The following SIGLEC14 variants were observed in gnomAD, a reference collection of about 807,000 sequenced individuals.
SIGLEC14 encodes the protein sialic acid binding Ig like lectin 14, also known as sialic acid-binding Ig-like lectin 14.
Under a neutral mutation model 34.2 loss-of-function variants are expected in SIGLEC14, and 11 were observed. That is an observed-to-expected ratio of 0.32 (90% CI 0.20 to 0.53). The LOEUF (loss-of-function observed/expected upper bound fraction) is 0.53, where lower values mean the gene tolerates loss of function less well. SIGLEC14 is among the 20% of genes least tolerant of loss of function. The probability of loss-of-function intolerance (pLI) is 0.95; values close to 1 mark genes in which losing one functional copy is unlikely to be tolerated. For synonymous variants in SIGLEC14, 99 were observed against 179.7 expected (o/e 0.55, Z 3.59); for missense variants, 264 against 439.0 (o/e 0.60, Z 3.56).
rs1467877156 is a variant in SIGLEC14, at chr19:51,641,240, CA to C, written c.*2114del. On this transcript the variant is annotated 3_prime_UTR_variant, in exon 7 of 7. Coordinates refer to ENST00000360844, the MANE Select transcript of SIGLEC14 (RefSeq NM_001098612.3). ...TTGCCATTTAATATTCGTCCCATAA[CA>C]GGGCAATACACATTCTTTCTAAGCA... 7.2e-6 allele frequency among the ~76,000 whole-genome samples: 1 copy of C among 138,800 alleles called. No homozygotes were observed. The highest frequency in any genetic ancestry group is 1.5e-5 in the Non-Finnish European group (1 of 64,910). The allele number at this position is 138,800 out of a possible 152,430, so 91.1% of individuals were successfully genotyped here. A position where few individuals can be genotyped will look rare whatever the true frequency, so the allele number is the denominator to read the frequency against.
rs540225162 is a variant in SIGLEC14, at chr19:51,645,817, A to T, written c.665T>A (p.Val222Glu). 10 of 1,528,558 alleles carry T rather than the reference A, an allele frequency of 6.5e-6. No individual in the cohort carries two copies. The highest frequency in any genetic ancestry group is 8.8e-6 in the Non-Finnish European group (10 of 1,140,320). The allele number at this position is 1,528,558 out of a possible 1,614,324, so 94.7% of individuals were successfully genotyped here. The change falls in exon 3 of 7, where the codon GTG (valine) becomes GAG (glutamate). Residue 222 changes from valine (V) to glutamate (E), a missense_variant. Physicochemically the swap from Val to Glu is moderately radical, Grantham distance 121. This residue lies in a region of SIGLEC14 where 45 missense variants were observed against 96.7 expected (regional missense o/e 0.47). Transcript: ENST00000360844. Reference sequence around the variant, plus strand: ...GAGCTGGACAGTTCTCTCCGTGGTCACCTGAGCTCCTTGGCGTTTCACCTG... The same window carrying T: ...GAGCTGGACAGTTCTCTCCGTGGTCTCCTGAGCTCCTTGGCGTTTCACCTG... ...TCQVKRQGAQ[V>E]TTERTVQLNV...
chr19:51,646,715 T>C lies in SIGLEC14; in HGVS notation c.37+8A>G. On this transcript the variant is annotated splice_region_variant and intron_variant, in intron 1 of 6. Coordinates refer to ENST00000360844, the MANE Select transcript of SIGLEC14 (RefSeq NM_001098612.3). The stretch of plus-strand genomic sequence containing the variant: ...CTGTGCCTGTCCCTCCTCCCTCAGC[T>C]CACTCACCCCCCCACAGCAGGGGCA... 3.3e-6 allele frequency: 2 copies of C among 606,374 alleles called. No individual in the cohort carries two copies. Among genetic ancestry groups the C allele is most frequent in the Non-Finnish European group, 5.4e-6 (2 of 372,100 alleles). The allele number at this position is 606,374 out of a possible 1,614,324, so 37.6% of individuals were successfully genotyped here.
rs1350591399 is a variant in SIGLEC14 at position 51,643,385 on chromosome 19, G to A, written c.1161C>T (p.Pro387=). ...CAGGCCTCTCAGCCCTGCTCTGCTGGGGGCCTCCACACCTGCAGAGCCAAC... is the reference window on the plus strand; with the variant it reads ...CAGGCCTCTCAGCCCTGCTCTGCTGAGGGCCTCCACACCTGCAGAGCCAAC... ...TWIYYTRCGG[P]QQSRAERPG Residue 387 remains proline (P), a synonymous_variant, in exon 7 of 7, where the codon CCC becomes CCT. Coordinates refer to ENST00000360844, the MANE Select transcript of SIGLEC14 (RefSeq NM_001098612.3). 1 of 1,520,016 alleles carries A rather than the reference G, an allele frequency of 6.6e-7. No individual in the cohort carries two copies. The highest frequency in any genetic ancestry group is 1.9e-4 in the Middle Eastern group (1 of 5,222). The allele number at this position is 1,520,016 out of a possible 1,614,324, so 94.2% of individuals were successfully genotyped here. A position where few individuals can be genotyped will look rare whatever the true frequency, so the allele number is the denominator to read the frequency against.
Position 51,640,387 on chromosome 19 carries a change from T to C in SIGLEC14, c.*2968A>G, listed in dbSNP as rs1379612660. 1.4e-5 allele frequency among the ~76,000 whole-genome samples: 2 copies of C among 138,792 alleles called. No individual in the cohort carries two copies. Among genetic ancestry groups the C allele is most frequent in the Non-Finnish European group, 3.1e-5 (2 of 64,892 alleles). The allele number at this position is 138,792 out of a possible 152,430, so 91.1% of individuals were successfully genotyped here. A position where few individuals can be genotyped will look rare whatever the true frequency, so the allele number is the denominator to read the frequency against. On this transcript the variant is annotated 3_prime_UTR_variant, in exon 7 of 7. Transcript: ENST00000360844. ...CTGCTAAAATTCTAATACAACTCCT[T>C]CCATCTTTCTGGACTGAGAAACAAG...
chr19:51,645,948 G>T lies in SIGLEC14; in HGVS notation c.534C>A (p.Phe178Leu), dbSNP rs1268494485. 32 of 1,449,498 alleles carry T rather than the reference G, an allele frequency of 2.2e-5. 2 individuals carry two copies. Among genetic ancestry groups the T allele is most frequent in the Non-Finnish European group, 2.8e-5 (30 of 1,089,784 alleles). 89.8% of individuals were successfully genotyped at this position (1,449,498 alleles called of 1,614,324 possible). A position where few individuals can be genotyped will look rare whatever the true frequency, so the allele number is the denominator to read the frequency against. The change falls in exon 3 of 7, where the codon TTC becomes TTA. Residue 178 changes from phenylalanine (F) to leucine (L), a missense_variant. Physicochemically the swap from Phe to Leu is conservative, Grantham distance 22. Coordinates refer to ENST00000360844, the MANE Select transcript of SIGLEC14 (RefSeq NM_001098612.3). ...GGCTGAGGGCATTCCCCGTCCAGGAGAATGTGAGAGGTGGTCCCGCTTCAC... is the reference window on the plus strand; with the variant it reads ...GGCTGAGGGCATTCCCCGTCCAGGATAATGTGAGAGGTGGTCCCGCTTCAC... ...GSCEAGPPLT[F>L]SWTGNALSPL...
chr19:51,646,458 C>T lies in SIGLEC14; in HGVS notation c.220G>A (p.Ala74Thr), dbSNP rs1269776513. 2 of 763,848 alleles carry T rather than the reference C, an allele frequency of 2.6e-6. No homozygotes were observed. Among genetic ancestry groups the T allele is most frequent in the Admixed American group, 2.8e-5 (1 of 35,182 alleles). 47.3% of individuals were successfully genotyped at this position (763,848 alleles called of 1,614,324 possible). ...ACTCTTCTGTCTGGGTTGTTTGTGG[C>T]CACAACCTCAGCGTAGTATGGGATC... ...GEIPYYAEVV[A>T]TNNPDRRVKP... The change falls in exon 2 of 7, where the codon GCC becomes ACC. Residue 74 changes from alanine (A) to threonine (T), a missense_variant. Physicochemically the swap from Ala to Thr is moderately conservative, Grantham distance 58. Around this residue, in one of 5 missense-constraint regions of SIGLEC14, gnomAD observed 31 missense variants for 67.4 expected, o/e 0.46. Coordinates refer to ENST00000360844, the MANE Select transcript of SIGLEC14 (RefSeq NM_001098612.3).
intron 4 of SIGLEC14, 91 bp from the exon 5 acceptor site, chr19:51,644,127 C>G: frequency 7.5e-7 from 1 of 1,325,100 alleles, no homozygotes; most frequent in South Asian, 1.6e-5. Context: ...AAAGACAAGA[C>G]TGTGTGGTGA....
At chr19:51,644,091 C>T (rs1207762483) in intron 4 of SIGLEC14, 55 bp from the exon 5 acceptor site, 1 of 1,421,030 alleles carries the variant, frequency 7.0e-7, no homozygotes, top group Non-Finnish European at 9.2e-7. Context: ...AATTCTCCCT[C>T]ATTCCTCCCA....
At position 51,645,168 on chromosome 19, in the gene SIGLEC14, C is replaced by G. The variant is rs1165271381; in HGVS notation, c.754+309G>C. ...GGAGCTCTGCAGTTTGGTTTTGCAA[C>G]AATGTGAACACATTTAACACTGCTG... On this transcript the variant is annotated intron_variant, in intron 4 of 6. Coordinates refer to ENST00000360844, the MANE Select transcript of SIGLEC14 (RefSeq NM_001098612.3). 2.2e-5 allele frequency among the ~76,000 whole-genome samples: 3 copies of G among 139,102 alleles called. 1 individual carries two copies. The highest frequency in any genetic ancestry group is 6.9e-5 in the Admixed American group (1 of 14,514). 91.3% of individuals were successfully genotyped at this position (139,102 alleles called of 152,430 possible).
chr19:51,645,406 C>A, intron 4 of SIGLEC14, 71 bp downstream of exon 4: 2 of 1,373,268 alleles, frequency 1.5e-6, no homozygotes, highest in South Asian at 1.3e-5. Flanking sequence ...AGGGTCTCCT[C>A]TCCCAATGCT....
In SIGLEC14 at chr19:51,643,738, T is replaced by C. The variant is rs968194018; in HGVS notation, c.1012+41A>G. 8 of 1,514,298 alleles carry C rather than the reference T, an allele frequency of 5.3e-6. No individual in the cohort carries two copies. The Admixed American group carries it at 1.4e-4, about 27-fold the overall frequency. 93.8% of individuals were successfully genotyped at this position (1,514,298 alleles called of 1,614,324 possible). A position where few individuals can be genotyped will look rare whatever the true frequency, so the allele number is the denominator to read the frequency against. ...AGTCCCTCCCACCAACCTGAATACC[T>C]CACCGGGCTGTCTACCCTCAGCACC... is the stretch of plus-strand genomic sequence containing the variant. On this transcript the variant is annotated intron_variant, in intron 5 of 6. Transcript: ENST00000360844.
rs1031195856 is a variant in SIGLEC14 at position 51,644,083 on chromosome 19, T to C, written c.755-47A>G. 1.4e-6 allele frequency: 2 copies of C among 1,430,462 alleles called. 1 individual carries two copies. The highest frequency in any genetic ancestry group is 1.8e-6 in the Non-Finnish European group (2 of 1,087,876). The allele number at this position is 1,430,462 out of a possible 1,614,324, so 88.6% of individuals were successfully genotyped here. On this transcript the variant is annotated intron_variant, in intron 4 of 6. Transcript: ENST00000360844. Reference sequence around the variant, plus strand: ...AGGTGAGTGGAGCTGGGAGGCCCAATTCTCCCTCATTCCTCCCACTGAGCT... The same window carrying C: ...AGGTGAGTGGAGCTGGGAGGCCCAACTCTCCCTCATTCCTCCCACTGAGCT...
In SIGLEC14 at chr19:51,643,683, G is replaced by C; in HGVS notation, c.1013-11C>G. On this transcript the variant is annotated splice_polypyrimidine_tract_variant and intron_variant, in intron 5 of 6. Transcript: ENST00000360844. ...AGGAAGAGGAGCTTCCTGGGAGAAA[G>C]GAGAAGGTAAGGTGCTGTTACCAGG... 2.0e-6 allele frequency: 3 copies of C among 1,531,516 alleles called. 1 individual carries two copies. Among genetic ancestry groups the C allele is most frequent in the Non-Finnish European group, 2.6e-6 (3 of 1,140,824 alleles). 94.9% of individuals were successfully genotyped at this position (1,531,516 alleles called of 1,614,324 possible).
At chr19:51,643,483 G>GGCCCCCCCCCCC in intron 6 of SIGLEC14, 54 bp downstream of exon 6, 6 of 1,297,858 alleles carry the variant, frequency 4.6e-6, no homozygotes, top group Admixed American at 2.4e-5. Context: ...GGGCAGGACA[G>GGCCCCCCCCCCC]CTCAGCCCCA....
chr19:51,643,283 G>A lies in SIGLEC14; in HGVS notation c.*72C>T, dbSNP rs1282213330. The A allele has an allele frequency of 7.4e-7, 1 of 1,352,202 alleles. No homozygotes were observed. Among genetic ancestry groups the A allele is most frequent in the African/African-American group, 1.6e-5 (1 of 61,106 alleles). 83.8% of individuals were successfully genotyped at this position (1,352,202 alleles called of 1,614,324 possible). ...GGATGTGAGCTTCCAGAAAGAAGCTGACAGTGATGTCCTGCATGTGTCCCA... is the reference window on the plus strand; with the variant it reads ...GGATGTGAGCTTCCAGAAAGAAGCTAACAGTGATGTCCTGCATGTGTCCCA... On this transcript the variant is annotated 3_prime_UTR_variant, in exon 7 of 7. Coordinates refer to ENST00000360844, the MANE Select transcript of SIGLEC14 (RefSeq NM_001098612.3).
intron 4 of SIGLEC14, among the ~76,000 whole-genome samples, chr19:51,644,933 G>T (rs1346760623): frequency 7.3e-6 from 1 of 137,160 alleles, no homozygotes; most frequent in Admixed American, 7.0e-5. Context: ...AAAGTCGAAG[G>T]CTCCCAAAAA....
In SIGLEC14 at chr19:51,643,346, G is replaced by C; in HGVS notation, c.*9C>G. 2 of 1,524,746 alleles carry C rather than the reference G, an allele frequency of 1.3e-6. No homozygotes were observed. Among genetic ancestry groups the C allele is most frequent in the Non-Finnish European group, 1.8e-6 (2 of 1,138,246 alleles). The allele number at this position is 1,524,746 out of a possible 1,614,324, so 94.5% of individuals were successfully genotyped here. A position where few individuals can be genotyped will look rare whatever the true frequency, so the allele number is the denominator to read the frequency against. On this transcript the variant is annotated 3_prime_UTR_variant, in exon 7 of 7. Transcript: ENST00000360844. ...TCCACACCTCAGTTCTGTCTTGAGC[G>C]GGAGGGGCTCAGCCAGGCCTCTCAG...
At position 51,646,184 on chromosome 19, in the gene SIGLEC14, G is replaced by A. The variant is rs571977251; in HGVS notation, c.421+73C>T. 75 of 1,322,614 alleles carry A rather than the reference G, an allele frequency of 5.7e-5. 26 individuals carry two copies. In the East Asian group the frequency reaches 2.6e-3, roughly 46 times the overall value. The allele number at this position is 1,322,614 out of a possible 1,614,324, so 81.9% of individuals were successfully genotyped here. A position where few individuals can be genotyped will look rare whatever the true frequency, so the allele number is the denominator to read the frequency against. On this transcript the variant is annotated intron_variant, in intron 2 of 6. Coordinates refer to ENST00000360844, the MANE Select transcript of SIGLEC14 (RefSeq NM_001098612.3). ...TCCTACACCTCCTCCAGCCGCCCCT[G>A]CCCAACTCCTGTCCCTGTTCTCATA...
intron 6 of SIGLEC14, 56 bp downstream of exon 6, chr19:51,643,480 AC>A: frequency 8.0e-7 from 1 of 1,254,028 alleles, no homozygotes; most frequent in Non-Finnish European, 1.0e-6. Context: ...CTGGGGCAGG[AC>A]AGCTCAGCCC....
Sources: gnomAD v4.1 joint callset for allele counts (sites outside exome capture counted in the v4.1 genomes callset) on GRCh38, gnomAD v4.1.1 for gene constraint, gnomAD v4.1.1 regional missense constraint, MANE v1.5 for transcripts, NCBI Gene and HGNC (gene_info 2026-07-23, HGNC 2026-07-21) for gene names.